Variants in GLIS3 observed in about 807,000 individuals in gnomAD.
GLIS3 encodes GLIS family zinc finger 3.
Under a neutral mutation model 78.6 loss-of-function variants are expected in GLIS3, and 53 were observed. The ratio of observed to expected loss-of-function variants is 0.67; its 90% CI spans 0.54 to 0.85. The LOEUF (loss-of-function observed/expected upper bound fraction) is 0.85. GLIS3 is among the 40% of genes least tolerant of loss of function. The pLI is 0.00. For synonymous variants in GLIS3, 684 were observed against 509.9 expected (o/e 1.34, Z -4.60); for missense variants, 1,703 against 1,231.1 (o/e 1.38, Z -5.74).
chr9:4,362,680 G>A, the GLIS3 span, among the ~76,000 whole-genome samples: 2,694 of 152,236 alleles, frequency 0.018, 78 homozygotes, highest in African/African-American at 0.061. Context: ...AAACATTTTT[G>A]CACCCTCAGG....
intron 8 of GLIS3, among the ~76,000 whole-genome samples, chr9:3,868,787 C>T (rs1008027679): frequency 1.8e-4 from 28 of 152,290 alleles, no homozygotes; most frequent in African/African-American, 6.7e-4. Flanking sequence ...AAGCTCCACC[C>T]TTGCCTGGCT....
intron 1 of GLIS3, among the ~76,000 whole-genome samples, chr9:4,299,187 T>C (rs1217963209): frequency 6.6e-6 from 1 of 152,216 alleles, no homozygotes; most frequent in African/African-American, 2.4e-5. Context: ...GAAACATGGT[T>C]TGAACCCTAA....
At chr9:4,485,990 G>A in the GLIS3 span, among the ~76,000 whole-genome samples, 1 of 152,314 alleles carries the variant, frequency 6.6e-6, no homozygotes, top group East Asian at 1.9e-4. Flanking sequence ...CCAAAGAGGT[G>A]GGATTACAGG....
intron 6 of GLIS3, among the ~76,000 whole-genome samples, chr9:3,927,358 T>C (rs777263769): frequency 5.9e-5 from 9 of 152,238 alleles, no homozygotes; most frequent in Non-Finnish European, 1.2e-4. Flanking sequence ...ACGCCTAATG[T>C]TACCTTCCTT....
At chr9:4,147,320 C>G (rs139827030) in intron 2 of GLIS3, 1 of 152,264 alleles carries the variant, frequency 6.6e-6, no homozygotes, top group East Asian at 1.9e-4. Flanking sequence ...GAAAAATGAT[C>G]AAAATCATCA....
At chr9:4,311,196 C>A (rs1212901588) in intron 2 of GLIS3, among the ~76,000 whole-genome samples, 1 of 152,146 alleles carries the variant, frequency 6.6e-6, no homozygotes, top group African/African-American at 2.4e-5. Context: ...ATCACTTGAG[C>A]CCCGGAGTTC....
the GLIS3 span, among the ~76,000 whole-genome samples, chr9:4,446,675 A>ATT: frequency 3.2e-5 from 4 of 123,332 alleles, no homozygotes; most frequent in East Asian, 2.2e-4. Flanking sequence ...ATGCCCGGCT[A>ATT]ATTTTTTTTT....
intron 2 of GLIS3, among the ~76,000 whole-genome samples, chr9:4,331,087 A>C (rs1217392418): frequency 6.6e-6 from 1 of 151,902 alleles, no homozygotes; most frequent in Admixed American, 6.6e-5. Context: ...CATAAACTGC[A>C]TGATTTAAAA....
chr9:4,185,107 T>C (rs1817669267), intron 2 of GLIS3, among the ~76,000 whole-genome samples: 1 of 152,214 alleles, frequency 6.6e-6, no homozygotes, highest in Non-Finnish European at 1.5e-5. Flanking sequence ...AGTTAATCCC[T>C]GTTCCCATCT....
At chr9:4,330,717 A>AGGTAGAGG (rs1299716423) in intron 2 of GLIS3, among the ~76,000 whole-genome samples, 2 of 152,202 alleles carry the variant, frequency 1.3e-5, no homozygotes, top group Non-Finnish European at 2.9e-5. Flanking sequence ...AGAGGTAGAG[A>AGGTAGAGG]TTAAGTCGGA....
chr9:4,324,587 C>A (rs1017526158), intron 2 of GLIS3, among the ~76,000 whole-genome samples: 16 of 152,148 alleles, frequency 1.1e-4, no homozygotes, highest in Admixed American at 6.5e-4. Flanking sequence ...TCCTTTTGCA[C>A]ATAAGTTTGG....
At chr9:3,834,887 G>A (rs1362205349) in intron 9 of GLIS3, among the ~76,000 whole-genome samples, 1 of 152,198 alleles carries the variant, frequency 6.6e-6, no homozygotes, top group African/African-American at 2.4e-5. Flanking sequence ...TTCTGAAGCA[G>A]CAGCAGAAGA....
At chr9:4,294,781 A>G (rs902820434) in intron 1 of GLIS3, among the ~76,000 whole-genome samples, 2 of 152,104 alleles carry the variant, frequency 1.3e-5, no homozygotes, top group Non-Finnish European at 2.9e-5. Context: ...ACCTATATAT[A>G]TTTTTCACAG....
the GLIS3 span, among the ~76,000 whole-genome samples, chr9:4,444,378 CT>C: frequency 1.3e-5 from 2 of 152,338 alleles, no homozygotes; most frequent in African/African-American, 4.8e-5. Context: ...ATGTTTTCCC[CT>C]AACCTTCCTG....
At chr9:3,961,657 T>A (rs1002488259) in intron 4 of GLIS3, among the ~76,000 whole-genome samples, 1 of 152,212 alleles carries the variant, frequency 6.6e-6, no homozygotes, top group Admixed American at 6.5e-5. Flanking sequence ...TTGAGAATAG[T>A]TACACACCAT....
the GLIS3 span, among the ~76,000 whole-genome samples, chr9:4,473,074 A>G: frequency 6.6e-6 from 1 of 152,166 alleles, no homozygotes; most frequent in Non-Finnish European, 1.5e-5. Context: ...ACACTCCACC[A>G]ACAGTGTATA....
At chr9:4,432,507 T>G in the GLIS3 span, among the ~76,000 whole-genome samples, 1 of 152,272 alleles carries the variant, frequency 6.6e-6, no homozygotes, top group African/African-American at 2.4e-5. Flanking sequence ...AAACACCATG[T>G]TTAAAGTTCG....
chr9:4,016,339 G>A (rs1350709848), intron 4 of GLIS3, among the ~76,000 whole-genome samples: 4 of 152,156 alleles, frequency 2.6e-5, no homozygotes, highest in African/African-American at 7.2e-5. Flanking sequence ...TTCTTAAAAC[G>A]AGCTCCTGGC....
At chr9:3,956,851 G>A (rs1015407114) in intron 4 of GLIS3, among the ~76,000 whole-genome samples, 1 of 152,114 alleles carries the variant, frequency 6.6e-6, no homozygotes, top group South Asian at 2.1e-4. Flanking sequence ...CTGACATGAT[G>A]AGAGCTCCCC....
Sources: allele counts gnomAD v4.1 joint callset (sites outside exome capture counted in the v4.1 genomes callset), GRCh38; gene constraint gnomAD v4.1.1; transcripts MANE v1.5; gene names NCBI Gene and HGNC (gene_info 2026-07-23, HGNC 2026-07-21).